Variants in CALN1 observed in about 807,000 individuals in gnomAD.
CALN1 encodes the protein calcium-binding protein 8.
CALN1 carries 17 observed loss-of-function variants against 30.6 expected under a neutral mutation model. The observed-to-expected ratio is 0.56, with a 90% CI of 0.38 to 0.83. The LOEUF is 0.83. Among genes scored for constraint, CALN1 ranks in the 40% least tolerant of loss-of-function variants. CALN1 has a pLI of 0.00. For missense variants in CALN1, 291 were observed against 354.9 expected (o/e 0.82, Z 1.45); for synonymous variants, 156 against 131.4 (o/e 1.19, Z -1.28).
At chr7:71,906,526 C>A (rs917525142) in intron 5 of CALN1, among the ~76,000 whole-genome samples, 2 of 152,082 alleles carry the variant, frequency 1.3e-5, no homozygotes, top group African/African-American at 4.8e-5. Flanking sequence ...AAAGCTTGGA[C>A]GGGCTCATTC....
intron 6 of CALN1, among the ~76,000 whole-genome samples, chr7:71,788,530 C>T (rs940752963): frequency 4.9e-5 from 7 of 142,594 alleles, no homozygotes; most frequent in Admixed American, 7.4e-5. Context: ...CTTGCTCTGT[C>T]TCCCAGGCTG....
chr7:72,221,130 T>C (rs1793256037), intron 3 of CALN1, among the ~76,000 whole-genome samples: 2 of 152,060 alleles, frequency 1.3e-5, no homozygotes, highest in Non-Finnish European at 2.9e-5. Flanking sequence ...TTTGCAACAA[T>C]TTCTAAAACC....
Position 72,403,165 on chromosome 7 carries a change from G to A in CALN1, c.119+86C>T, listed in dbSNP as rs540211003. On this transcript the variant is annotated intron_variant, in intron 2 of 6. Coordinates refer to ENST00000395275, the MANE Select transcript of CALN1 (RefSeq NM_031468.4). Reference sequence around the variant, plus strand: ...CTCTCCAGCCTAGACACGCAGCAGCGGCAAAGCCTCCTGGACCCCGCGCCA... The same window carrying A: ...CTCTCCAGCCTAGACACGCAGCAGCAGCAAAGCCTCCTGGACCCCGCGCCA... The A allele has an allele frequency of 1.4e-4, 137 of 975,000 alleles. No individual in the cohort carries two copies. The African/African-American group carries it at 2.1e-3, about 15-fold the overall frequency. The allele number at this position is 975,000 out of a possible 1,614,324, so 60.4% of individuals were successfully genotyped here. A position where few individuals can be genotyped will look rare whatever the true frequency, so the allele number is the denominator to read the frequency against.
chr7:72,055,894 A>G (rs1468456407), intron 4 of CALN1, among the ~76,000 whole-genome samples: 2 of 152,156 alleles, frequency 1.3e-5, no homozygotes, highest in African/African-American at 4.8e-5. Context: ...GGTGGCACAC[A>G]CCCATAGTCC....
chr7:71,943,881 G>A (rs553325571), intron 5 of CALN1, among the ~76,000 whole-genome samples: 12 of 152,330 alleles, frequency 7.9e-5, no homozygotes, highest in Non-Finnish European at 1.6e-4. Flanking sequence ...TAGGCAGGAT[G>A]AAAATGGGGA....
chr7:72,377,827 C>T (rs1000361600), intron 2 of CALN1, among the ~76,000 whole-genome samples: 5 of 152,098 alleles, frequency 3.3e-5, no homozygotes, highest in African/African-American at 1.2e-4. Context: ...TCACTTTCTA[C>T]CTGCGTAGAA....
chr7:72,390,462 A>G (rs1483591972), intron 2 of CALN1, among the ~76,000 whole-genome samples: 1 of 151,984 alleles, frequency 6.6e-6, no homozygotes, highest in Non-Finnish European at 1.5e-5. Context: ...TAAATGAGAG[A>G]TTGGCTGCCC....
intron 6 of CALN1, among the ~76,000 whole-genome samples, chr7:71,792,341 G>A (rs944809503): frequency 1.3e-5 from 2 of 152,056 alleles, no homozygotes; most frequent in African/African-American, 4.8e-5. Context: ...TATGATACTT[G>A]TGAATTATTT....
At chr7:72,477,500 C>A in the CALN1 span, among the ~76,000 whole-genome samples, 1 of 152,180 alleles carries the variant, frequency 6.6e-6, no homozygotes, top group Non-Finnish European at 1.5e-5. Context: ...TCACTACAGC[C>A]TTGAACTCCT....
intron 5 of CALN1, among the ~76,000 whole-genome samples, chr7:71,871,685 A>C: frequency 6.6e-6 from 1 of 150,754 alleles, no homozygotes; most frequent in South Asian, 2.1e-4. Context: ...TTCTGTTCCC[A>C]CTCCTGGAAT....
chr7:71,802,238 C>T lies in CALN1; in HGVS notation c.658+8098G>A, dbSNP rs140342442. Among the ~76,000 whole-genome samples, 3 of 152,212 alleles carry T rather than the reference C, an allele frequency of 2.0e-5. No individual in the cohort carries two copies. In the East Asian group the frequency reaches 5.8e-4, roughly 29 times the overall value. ...CAAATAGATGATTCAACCACAAAGA[C>T]CACTGAATTCCATAGATGCCAGCAA... On this transcript the variant is annotated intron_variant, in intron 6 of 6. Coordinates refer to ENST00000395275, the MANE Select transcript of CALN1 (RefSeq NM_031468.4).
intron 5 of CALN1, among the ~76,000 whole-genome samples, chr7:71,932,815 CAAA>C (rs5884864): frequency 7.3e-5 from 6 of 82,686 alleles, no homozygotes; most frequent in Admixed American, 1.3e-4. Context: ...TACTCCATCT[CAAA>C]AAAAAAAAAA....
intron 1 of CALN1, among the ~76,000 whole-genome samples, chr7:72,406,905 C>T (rs1330062004): frequency 3.3e-5 from 5 of 152,088 alleles, no homozygotes; most frequent in Non-Finnish European, 7.4e-5. Context: ...CATGAGCCAC[C>T]GCGCCAGCCC....
rs1224234685 is a variant in CALN1 at position 71,915,762 on chromosome 7, AC to A, written c.502-105271del. ...CAAAAACCAACCAAACAAAAAAAAA[AC>A]CCAATCTGCCCAAGAGGTAGAGCAG... On this transcript the variant is annotated intron_variant, in intron 5 of 6. Coordinates refer to ENST00000395275, the MANE Select transcript of CALN1 (RefSeq NM_031468.4). Among the ~76,000 whole-genome samples, 270 of 146,698 alleles carry A rather than the reference AC, an allele frequency of 1.8e-3. 1 individual carries two copies. Among genetic ancestry groups the A allele is most frequent in the African/African-American group, 6.5e-3 (255 of 39,462 alleles).
chr7:72,088,203 CACA>C (rs1805609453), intron 4 of CALN1, among the ~76,000 whole-genome samples: 1 of 151,922 alleles, frequency 6.6e-6, no homozygotes, highest in Non-Finnish European at 1.5e-5. Flanking sequence ...TCCAAGGAAC[CACA>C]ACAACAACAT....
At chr7:71,826,801 G>C (rs899484592) in intron 5 of CALN1, among the ~76,000 whole-genome samples, 2 of 152,174 alleles carry the variant, frequency 1.3e-5, no homozygotes, top group Non-Finnish European at 1.5e-5. Flanking sequence ...TCAGCCTCCT[G>C]AGTAGCTGGG....
intron 4 of CALN1, among the ~76,000 whole-genome samples, chr7:72,069,905 G>A (rs1804274950): frequency 6.6e-6 from 1 of 152,158 alleles, no homozygotes; most frequent in Non-Finnish European, 1.5e-5. Flanking sequence ...AAAGCAGTCA[G>A]AAAAGGGAGG....
rs192645397 is a variant in CALN1 at position 72,257,137 on chromosome 7, G to A, written c.244+21549C>T. Among the ~76,000 whole-genome samples the A allele has an allele frequency of 1.8e-3, 281 of 152,298 alleles. 2 individuals are homozygous for A. Among genetic ancestry groups the A allele is most frequent in the Middle Eastern group, 0.017 (5 of 294 alleles). ...CTTACATGGCGGCAAGAGAGAGAGC[G>A]TGCACAGGGGAAACTGCCACTTACA... On this transcript the variant is annotated intron_variant, in intron 3 of 6. Coordinates refer to ENST00000395275, the MANE Select transcript of CALN1 (RefSeq NM_031468.4).
At chr7:71,822,575 T>C (rs1402171401) in intron 5 of CALN1, among the ~76,000 whole-genome samples, 2 of 152,186 alleles carry the variant, frequency 1.3e-5, no homozygotes, top group Non-Finnish European at 2.9e-5. Flanking sequence ...GTTTGTTTTC[T>C]CTTTTACATA....
Sources: gnomAD v4.1 joint callset for allele counts (sites outside exome capture counted in the v4.1 genomes callset) on GRCh38, gnomAD v4.1.1 for gene constraint, MANE v1.5 for transcripts, NCBI Gene and HGNC (gene_info 2026-07-23, HGNC 2026-07-21) for gene names.